The following ELP3 variants were observed in gnomAD, a reference collection of about 807,000 sequenced individuals.
ELP3 encodes elongator acetyltransferase complex subunit 3.
ELP3 carries 56 observed loss-of-function variants against 74.9 expected under a neutral mutation model. The ratio of observed to expected loss-of-function variants is 0.75; its 90% CI spans 0.60 to 0.93. ELP3 has a LOEUF of 0.93. Among genes scored for constraint, ELP3 ranks in the 40% least tolerant of loss-of-function variants. ELP3 has a pLI of 0.00. For synonymous variants in ELP3, 222 were observed against 239.8 expected, an observed-to-expected ratio of 0.93 and a Z score of 0.68; for missense variants, 573 against 686.5, an observed-to-expected ratio of 0.83 and a Z score of 1.85.
At position 28,097,308 on chromosome 8, in the gene ELP3, G is replaced by A. The variant is rs754899290; in HGVS notation, c.109G>A (p.Asp37Asn). ...AGCCCACGAGCAGGGGAAAGACATC[G>A]ATCTAAATAAGTAAGTGGATATAAA... Reference protein sequence around the residue: ...IEAHEQGKDIDLNKVKTKTAA... With the variant: ...IEAHEQGKDINLNKVKTKTAA... The change falls in exon 2 of 15, where the codon GAT becomes AAT. Residue 37 changes from aspartate to asparagine, a missense_variant. By Grantham distance (23) the Asp-to-Asn change is conservative. Coordinates refer to ENST00000256398, the MANE Select transcript of ELP3 (RefSeq NM_018091.6). 30 of 1,611,450 alleles carry A rather than the reference G, an allele frequency of 1.9e-5. No individual in the cohort carries two copies. Among genetic ancestry groups the A allele is most frequent in the South Asian group, 1.5e-4 (14 of 90,992 alleles).
At chr8:28,091,928 T>C (rs1397248469), upstream of ELP3, among the ~76,000 whole-genome samples, 1 of 152,232 alleles carries the variant, frequency 6.6e-6, no homozygotes, top group Non-Finnish European at 1.5e-5. Flanking sequence ...TCAGTAAATC[T>C]GCCTTTTACA....
chr8:28,162,013 T>A lies in ELP3; in HGVS notation c.1502T>A (p.Leu501Gln). 1 of 1,614,170 alleles carries A rather than the reference T, an allele frequency of 6.2e-7. No individual in the cohort carries two copies. The highest frequency in any genetic ancestry group is 8.5e-7 in the Non-Finnish European group (1 of 1,180,002). ...KFQHQGFGML[L>Q]MEEAERIARE... is the part of the protein sequence containing the mutation. ...TCCGTGCAGGGATTTGGCATGCTGC[T>A]GATGGAGGAAGCAGAAAGAATAGCT... Residue 501 changes from leucine to glutamine, a missense_variant, in exon 14 of 15, where the codon CTG (leucine) becomes CAG (glutamine). Coordinates refer to ENST00000256398, the MANE Select transcript of ELP3 (RefSeq NM_018091.6).
Position 28,189,823 on chromosome 8 carries a change from T to TG in ELP3, c.*104dup, listed in dbSNP as rs547693068. 1.2e-4 allele frequency: 162 copies of TG among 1,317,024 alleles called. No individual in the cohort carries two copies. The East Asian group carries it at 3.5e-3, about 28-fold the overall frequency. The allele number at this position is 1,317,024 out of a possible 1,614,324, so 81.6% of individuals were successfully genotyped here. ...CAACAGAGAGGCTGAGCAGAGCAAA[T>TG]GGGGGGCTTCACCCTCATCCCGCAG... On this transcript the variant is annotated 3_prime_UTR_variant, in exon 15 of 15. Coordinates refer to ENST00000256398, the MANE Select transcript of ELP3 (RefSeq NM_018091.6).
intron 9 of ELP3, among the ~76,000 whole-genome samples, chr8:28,133,325 A>G (rs1812852068): frequency 6.6e-6 from 1 of 152,064 alleles, no homozygotes; most frequent in East Asian, 1.9e-4. Flanking sequence ...TTTTTTAGGT[A>G]AGGAGATTAT....
chr8:28,093,381 C>T lies in ELP3; in HGVS notation c.19+148C>T, dbSNP rs1404144176. ...CTAGGGTCAGTGTGTCCATTCTGGT[C>T]CCCGAGCCTTCTCGTTTTTCCTGTT... is the stretch of plus-strand genomic sequence containing the variant. On this transcript the variant is annotated intron_variant, in intron 1 of 14. Transcript: ENST00000256398. The T allele has an allele frequency of 1.4e-5, 15 of 1,080,940 alleles. No individual in the cohort carries two copies. The East Asian group carries it at 3.3e-4, about 24-fold the overall frequency. 67.0% of individuals were successfully genotyped at this position (1,080,940 alleles called of 1,614,324 possible).
At chr8:28,137,134 T>C (rs1427075391) in intron 9 of ELP3, among the ~76,000 whole-genome samples, 3 of 152,176 alleles carry the variant, frequency 2.0e-5, no homozygotes, top group Non-Finnish European at 4.4e-5. Flanking sequence ...TTTTGTAAGC[T>C]AGATGATCTC....
Position 28,137,816 on chromosome 8 carries a change from C to A in ELP3, c.1025C>A (p.Pro342His). ...TCAGGAAGATATAAGAGTTACTCTC[C>A]TAGTGACCTGGTTGAATTGGTGGCT... ...WKSGRYKSYS[P>H]SDLVELVARI... The change falls in exon 10 of 15, where the codon CCT becomes CAT. Residue 342 changes from proline to histidine, a missense_variant. Transcript: ENST00000256398. 1 of 1,614,114 alleles carries A rather than the reference C, an allele frequency of 6.2e-7. No individual in the cohort carries two copies. The highest frequency in any genetic ancestry group is 8.5e-7 in the Non-Finnish European group (1 of 1,180,016).
chr8:28,157,289 CAAAAAAA>C lies in ELP3; in HGVS notation c.1191+1267_1192-1263del, dbSNP rs35938340. ...ATCTCTGCCTTTAAAAAAAGCATGC[CAAAAAAA>C]AAAAAAAAACAGAAACAGCATGCAG... On this transcript the variant is annotated intron_variant, in intron 11 of 14. Transcript: ENST00000256398. Among the ~76,000 whole-genome samples the C allele has an allele frequency of 4.7e-5, 5 of 106,752 alleles. No individual in the cohort carries two copies. In the South Asian group the frequency reaches 9.3e-4, roughly 20 times the overall value. 70.0% of individuals were successfully genotyped at this position (106,752 alleles called of 152,430 possible).
At chr8:28,142,499 G>T (rs1346531481) in intron 10 of ELP3, among the ~76,000 whole-genome samples, 1 of 152,186 alleles carries the variant, frequency 6.6e-6, no homozygotes, top group Non-Finnish European at 1.5e-5. Context: ...CACATAGGTG[G>T]GTGGATTAAA....
chr8:28,111,475 G>A (rs867148000), intron 6 of ELP3, among the ~76,000 whole-genome samples: 7 of 152,142 alleles, frequency 4.6e-5, no homozygotes, highest in Admixed American at 1.3e-4. Flanking sequence ...TAACCATAGT[G>A]GATAAGTTGT....
rs1180313290 is a variant in ELP3 at position 28,113,058 on chromosome 8, A to G, written c.502A>G (p.Ile168Val). The change falls in exon 7 of 15, where the codon ATT becomes GTT. Residue 168 changes from isoleucine (I) to valine (V), a missense_variant. Transcript: ENST00000256398. ...TCATAGTGTGGATAAAGTGGAGTTT[A>G]TTGTGATGGGTGGAACGTTTATGGC... ...LGHSVDKVEF[I>V]VMGGTFMALP... 2 of 1,613,936 alleles carry G rather than the reference A, an allele frequency of 1.2e-6. No homozygotes were observed. Among genetic ancestry groups the G allele is most frequent in the Admixed American group, 1.7e-5 (1 of 59,976 alleles).
At chr8:28,187,615 T>C (rs895920120) in intron 14 of ELP3, among the ~76,000 whole-genome samples, 3 of 152,230 alleles carry the variant, frequency 2.0e-5, no homozygotes, top group Non-Finnish European at 4.4e-5. Flanking sequence ...CCTAGAATCC[T>C]GTCCCCCCCA....
Position 28,106,729 on chromosome 8 carries a change from T to A in ELP3, c.275T>A (p.Val92Glu). The A allele has an allele frequency of 2.5e-6, 4 of 1,612,902 alleles. No homozygotes were observed. Among genetic ancestry groups the A allele is most frequent in the Non-Finnish European group, 3.4e-6 (4 of 1,179,700 alleles). ...CTTTTATAGATTGCTGTCGTGGCTGTGATGTGCAAACCCCACAGATGTCCA... is the reference window on the plus strand; with the variant it reads ...CTTTTATAGATTGCTGTCGTGGCTGAGATGTGCAAACCCCACAGATGTCCA... Reference protein sequence around the residue: ...RTASGIAVVAVMCKPHRCPHI... With the variant: ...RTASGIAVVAEMCKPHRCPHI... Residue 92 changes from valine (V) to glutamate (E), a missense_variant, in exon 4 of 15, where the codon GTG becomes GAG. By Grantham distance (121) the Val-to-Glu change is moderately radical. Transcript: ENST00000256398.
intron 7 of ELP3, among the ~76,000 whole-genome samples, chr8:28,117,546 C>T (rs960526705): frequency 6.6e-6 from 1 of 152,106 alleles, no homozygotes; most frequent in African/African-American, 2.4e-5. Flanking sequence ...ACTTTATTTT[C>T]AGATAAAAAT....
At chr8:28,142,081 A>G (rs563516321) in intron 10 of ELP3, among the ~76,000 whole-genome samples, 1 of 152,338 alleles carries the variant, frequency 6.6e-6, no homozygotes, top group South Asian at 2.1e-4. Flanking sequence ...AAATACCACT[A>G]TGCGACATTA....
In ELP3 at chr8:28,135,502, T is replaced by C. The variant is rs148583597; in HGVS notation, c.907-2196T>C. Among the ~76,000 whole-genome samples, 7 of 152,098 alleles carry C rather than the reference T, an allele frequency of 4.6e-5. No homozygotes were observed. The East Asian group carries it at 1.2e-3, about 25-fold the overall frequency. Reference sequence around the variant, plus strand: ...GACATCCAGAGAGTAGGGCGGAGAGTCCACCAGTCTATGTGCTGGCTTTTC... The same window carrying C: ...GACATCCAGAGAGTAGGGCGGAGAGCCCACCAGTCTATGTGCTGGCTTTTC... On this transcript the variant is annotated intron_variant, in intron 9 of 14. Coordinates refer to ENST00000256398, the MANE Select transcript of ELP3 (RefSeq NM_018091.6).
intron 8 of ELP3, among the ~76,000 whole-genome samples, chr8:28,130,592 CTT>C (rs1473626691): frequency 6.6e-6 from 1 of 152,156 alleles, no homozygotes; most frequent in East Asian, 1.9e-4. Flanking sequence ...ATAGGATGCT[CTT>C]ATGTGGGAAA....
At chr8:28,140,197 G>C (rs1288436660) in intron 10 of ELP3, among the ~76,000 whole-genome samples, 1 of 151,040 alleles carries the variant, frequency 6.6e-6, no homozygotes, top group East Asian at 1.9e-4. Flanking sequence ...GAGCACAGCT[G>C]GTTTCTAGAT....
chr8:28,117,806 A>G (rs960201847), intron 7 of ELP3, among the ~76,000 whole-genome samples: 10 of 152,128 alleles, frequency 6.6e-5, no homozygotes, highest in Non-Finnish European at 1.5e-4. Context: ...CCCTCATAAT[A>G]GAGTTTGTAT....
Sources: allele counts gnomAD v4.1 joint callset (sites outside exome capture counted in the v4.1 genomes callset), GRCh38; gene constraint gnomAD v4.1.1; transcripts MANE v1.5; gene names NCBI Gene and HGNC (gene_info 2026-07-23, HGNC 2026-07-21).